Variants in CSMD1 observed in about 807,000 individuals in gnomAD.
CSMD1 encodes the protein CUB and sushi domain-containing protein 1.
A neutral mutation model predicts 417.5 loss-of-function variants in CSMD1; 213 were observed. That is an observed-to-expected ratio of 0.51 (90% CI 0.46 to 0.57). The LOEUF is 0.57. CSMD1 is among the 20% of genes least tolerant of loss of function. The pLI is 0.00. For missense variants in CSMD1, 6,923 were observed against 4,529.7 expected, an observed-to-expected ratio of 1.53 and a Z score of -15.17; for synonymous variants, 2,862 against 1,736.8, an observed-to-expected ratio of 1.65 and a Z score of -16.11.
intron 5 of CSMD1, among the ~76,000 whole-genome samples, chr8:3,991,342 G>C (rs141189714): frequency 1.3e-5 from 2 of 152,282 alleles, no homozygotes; most frequent in East Asian, 3.9e-4. Flanking sequence ...GTCTGGGATG[G>C]CCAGTTTTCT....
intron 3 of CSMD1, among the ~76,000 whole-genome samples, chr8:4,131,756 C>CTTTT (rs10650865): frequency 0.024 from 2,058 of 87,382 alleles, 163 homozygotes; most frequent in Non-Finnish European, 0.027. Flanking sequence ...ACAAATGTGA[C>CTTTT]TTTTTTTTTT....
intron 5 of CSMD1, among the ~76,000 whole-genome samples, chr8:3,930,323 C>T (rs949768752): frequency 2.0e-5 from 3 of 150,612 alleles, no homozygotes; most frequent in Non-Finnish European, 3.0e-5. Context: ...TGCTAACACT[C>T]TTAAATATCT....
intron 2 of CSMD1, among the ~76,000 whole-genome samples, chr8:4,610,868 G>C (rs552838818): frequency 6.6e-6 from 1 of 152,192 alleles, no homozygotes; most frequent in South Asian, 2.1e-4. Context: ...ATACGATTTC[G>C]TTTTTGAATC....
intron 1 of CSMD1, among the ~76,000 whole-genome samples, chr8:4,867,076 G>T (rs1024750875): frequency 6.6e-6 from 1 of 151,896 alleles, no homozygotes; most frequent in Non-Finnish European, 1.5e-5. Context: ...GTAATATTTT[G>T]CTTAGAATTT....
chr8:4,687,152 G>A (rs145793256), intron 1 of CSMD1, among the ~76,000 whole-genome samples: 49 of 152,310 alleles, frequency 3.2e-4, no homozygotes, highest in East Asian at 1.2e-3. Flanking sequence ...GAAGAGCACC[G>A]CTGCCAGCCA....
At chr8:3,062,984 A>T (rs554894041) in intron 49 of CSMD1, among the ~76,000 whole-genome samples, 21 of 152,348 alleles carry the variant, frequency 1.4e-4, no homozygotes, top group South Asian at 4.1e-4. Context: ...AGAGAAAAAA[A>T]GCTGGAGGAA....
chr8:3,594,598 G>A (rs142225330), intron 8 of CSMD1, among the ~76,000 whole-genome samples: 297 of 152,216 alleles, frequency 2.0e-3, no homozygotes, highest in Admixed American at 3.1e-3. Context: ...GAAGTTGCAC[G>A]GTGTCCTTCC....
intron 1 of CSMD1, among the ~76,000 whole-genome samples, chr8:4,729,077 G>C (rs957140516): frequency 6.6e-6 from 1 of 152,048 alleles, no homozygotes; most frequent in East Asian, 1.9e-4. Flanking sequence ...GGAAACACTT[G>C]GATGTTCAGC....
intron 4 of CSMD1, among the ~76,000 whole-genome samples, chr8:4,021,060 G>C (rs1368102304): frequency 2.0e-5 from 3 of 152,148 alleles, no homozygotes; most frequent in Non-Finnish European, 4.4e-5. Flanking sequence ...GACAGCATCA[G>C]AGCTCTACAA....
chr8:4,753,803 T>G (rs1585046016), intron 1 of CSMD1, among the ~76,000 whole-genome samples: 1 of 152,218 alleles, frequency 6.6e-6, no homozygotes, highest in Non-Finnish European at 1.5e-5. Flanking sequence ...CCTCCTTTAC[T>G]CCATCGCACT....
chr8:4,501,497 G>A (rs772286797), intron 2 of CSMD1, among the ~76,000 whole-genome samples: 1 of 152,150 alleles, frequency 6.6e-6, no homozygotes, highest in African/African-American at 2.4e-5. Context: ...AATGTTTCAC[G>A]TGTTCTCCTC....
intron 26 of CSMD1, among the ~76,000 whole-genome samples, chr8:3,237,195 C>A (rs147830427): frequency 6.6e-6 from 1 of 151,228 alleles, no homozygotes; most frequent in African/African-American, 2.4e-5. Context: ...AGGCCGGGTG[C>A]GGTAGCTCAC....
At position 3,541,859 on chromosome 8, in the gene CSMD1, C is replaced by T. The variant is rs562452120; in HGVS notation, c.1344+33086G>A. Among the ~76,000 whole-genome samples, 62 of 151,796 alleles carry T rather than the reference C, an allele frequency of 4.1e-4. No homozygotes were observed. In the South Asian group the frequency reaches 8.9e-3, roughly 22 times the overall value. On this transcript the variant is annotated intron_variant, in intron 10 of 69. Transcript: ENST00000635120. ...TTCCAACACTTTGATGTTAGGAGTT[C>T]GAGACCAGCCTGGCCAAAATGGCAA...
intron 32 of CSMD1, 61 bp downstream of exon 32, chr8:3,201,551 T>C: frequency 1.2e-6 from 1 of 839,534 alleles, no homozygotes; most frequent in South Asian, 2.1e-5. Flanking sequence ...AACAGACAAG[T>C]TAAAAATTAA....
At chr8:4,924,785 A>C (rs1806743254) in intron 1 of CSMD1, among the ~76,000 whole-genome samples, 1 of 151,824 alleles carries the variant, frequency 6.6e-6, no homozygotes, top group Admixed American at 6.6e-5. Context: ...AATCACTCAA[A>C]CTTTTTGACA....
In CSMD1 at chr8:4,575,946, C is replaced by T. The variant is rs541545578; in HGVS notation, c.302+61396G>A. On this transcript the variant is annotated intron_variant, in intron 2 of 69. Transcript: ENST00000635120. ...AATCAAACAATCCCACAGCACATCA[C>T]CAAATCAAACTCGTAAATCCACCTC... 7.2e-5 allele frequency among the ~76,000 whole-genome samples: 11 copies of T among 152,296 alleles called. No homozygotes were observed. In the South Asian group the frequency reaches 1.9e-3, roughly 26 times the overall value.
rs569778223 is a variant in CSMD1, at chr8:3,505,526, C to G, written c.1345-11800G>C. 2.4e-4 allele frequency among the ~76,000 whole-genome samples: 36 copies of G among 152,218 alleles called. No individual in the cohort carries two copies. The South Asian group carries it at 7.1e-3, about 30-fold the overall frequency. ...TATGGCCCCTGTAAATGAAATAAAG[C>G]TGTATGACAATAATAGGAATACGTC... On this transcript the variant is annotated intron_variant, in intron 10 of 69. Coordinates refer to ENST00000635120, the MANE Select transcript of CSMD1 (RefSeq NM_033225.6).
In CSMD1 at chr8:3,407,988, G is replaced by C. The variant is rs374747407; in HGVS notation, c.1982C>G (p.Ser661Cys). ...TATATGCCCACTGCTGGCCAGCTGG[G>C]AAGGCACTTCATTGCCAGAAAAAGT... ...LGTFSGNEVP[S>C]QLASSGHIVR... Residue 661 changes from serine (S) to cysteine (C), a missense_variant, in exon 14 of 70, where the codon TCC becomes TGC. By Grantham distance (112) the Ser-to-Cys change is moderately radical. Coordinates refer to ENST00000635120, the MANE Select transcript of CSMD1 (RefSeq NM_033225.6). 4.3e-6 allele frequency: 7 copies of C among 1,613,778 alleles called. No individual in the cohort carries two copies. The African/African-American group carries it at 6.7e-5, about 15-fold the overall frequency.
At chr8:3,792,113 G>C (rs950314455) in intron 5 of CSMD1, among the ~76,000 whole-genome samples, 1 of 152,068 alleles carries the variant, frequency 6.6e-6, no homozygotes, top group East Asian at 1.9e-4. Context: ...GGGCCAAATA[G>C]GGAGACCCTG....
Sources: allele counts gnomAD v4.1 joint callset (sites outside exome capture counted in the v4.1 genomes callset), GRCh38; gene constraint gnomAD v4.1.1; transcripts MANE v1.5; gene names NCBI Gene and HGNC (gene_info 2026-07-23, HGNC 2026-07-21).